The following C1orf94 variants were observed in gnomAD, a reference collection of about 807,000 sequenced individuals.
The protein encoded by C1orf94 is chromosome 1 open reading frame 94, also known as uncharacterized protein C1orf94.
Under a neutral mutation model 53.6 loss-of-function variants are expected in C1orf94, and 45 were observed. The observed-to-expected ratio is 0.84, with a 90% CI of 0.66 to 1.08. The LOEUF is 1.08. Among genes scored for constraint, C1orf94 ranks in the 50% least tolerant of loss-of-function variants. The pLI is 0.00. For synonymous variants in C1orf94, 304 were observed against 296.1 expected, an observed-to-expected ratio of 1.03 and a Z score of -0.27; for missense variants, 762 against 738.9, an observed-to-expected ratio of 1.03 and a Z score of -0.36.
At chr1:34,167,541 G>A (rs980123091) in intron 1 of C1orf94, among the ~76,000 whole-genome samples, 1 of 152,138 alleles carries the variant, frequency 6.6e-6, no homozygotes, top group African/African-American at 2.4e-5. Context: ...CCTGCAAAAG[G>A]CCCAGTTACT....
At chr1:34,191,366 G>A (rs1400142125) in intron 1 of C1orf94, among the ~76,000 whole-genome samples, 1 of 152,162 alleles carries the variant, frequency 6.6e-6, no homozygotes, top group East Asian at 1.9e-4. Flanking sequence ...AAGGACCTAA[G>A]GCTTTGACAT....
intron 4 of C1orf94, among the ~76,000 whole-genome samples, chr1:34,207,370 A>T (rs1286425213): frequency 6.6e-6 from 1 of 152,034 alleles, no homozygotes; most frequent in Non-Finnish European, 1.5e-5. Flanking sequence ...TCAATTTCCC[A>T]TCTGGCTGAA....
chr1:34,197,611 T>A lies in C1orf94; in HGVS notation c.707T>A (p.Val236Asp). The A allele has an allele frequency of 1.2e-6, 2 of 1,614,036 alleles. No individual in the cohort carries two copies. Among genetic ancestry groups the A allele is most frequent in the South Asian group, 2.2e-5 (2 of 91,070 alleles). The change falls in exon 2 of 7, where the codon GTC becomes GAC. Residue 236 changes from valine to aspartate, a missense_variant. By Grantham distance (152) the Val-to-Asp change is radical. Transcript: ENST00000488417. The surrounding 1 kb of genome is among the most constrained non-coding windows in gnomAD (Gnocchi z 4.1). ...ATCCTAGGTGACTCCAACTTGCAAG[T>A]CAGCAAGCTTCTGTCCCAGTTCCCA... ...GRILGDSNLQ[V>D]SKLLSQFPLK... is the part of the protein sequence containing the mutation.
chr1:34,218,823 G>T lies in C1orf94; in HGVS notation c.*62G>T. On this transcript the variant is annotated 3_prime_UTR_variant, in exon 7 of 7. Coordinates refer to ENST00000488417, the MANE Select transcript of C1orf94 (RefSeq NM_001134734.2). Reference sequence around the variant, plus strand: ...ATCAGGACTAGGGGCTCTGATTTTTGGATTCTGCAAAAGCTTGGTATGAAG... The same window carrying T: ...ATCAGGACTAGGGGCTCTGATTTTTTGATTCTGCAAAAGCTTGGTATGAAG... 1.4e-6 allele frequency: 2 copies of T among 1,436,754 alleles called. No homozygotes were observed. Among genetic ancestry groups the T allele is most frequent in the South Asian group, 1.4e-5 (1 of 72,326 alleles). 89.0% of individuals were successfully genotyped at this position (1,436,754 alleles called of 1,614,324 possible). A position where few individuals can be genotyped will look rare whatever the true frequency, so the allele number is the denominator to read the frequency against.
chr1:34,201,069 G>A (rs756781531), intron 3 of C1orf94, 37 bp downstream of exon 3: 2 of 1,552,962 alleles, frequency 1.3e-6, no homozygotes, highest in Admixed American at 2.0e-5. Flanking sequence ...TGGAGGGGAG[G>A]GGGTTGCAGT....
Position 34,197,264 on chromosome 1 carries a change from G to A in C1orf94, c.360G>A (p.Leu120=), listed in dbSNP as rs1479912440. The part of the protein sequence containing the change: ...ELSSGKDEIS[L]LVEQEFLSLT... ...GCAGTGGCAAAGATGAGATCTCCTTGTTGGTGGAACAGGAGTTCCTAAGCC... is the reference window on the plus strand; with the variant it reads ...GCAGTGGCAAAGATGAGATCTCCTTATTGGTGGAACAGGAGTTCCTAAGCC... Residue 120 remains leucine (L), a synonymous_variant, in exon 2 of 7, where the codon TTG becomes TTA. Transcript: ENST00000488417. The surrounding 1 kb of genome is among the most constrained non-coding windows in gnomAD (Gnocchi z 4.1). 6.5e-7 allele frequency: 1 copy of A among 1,548,744 alleles called. No homozygotes were observed.
Position 34,212,330 on chromosome 1 carries a change from A to C in C1orf94, c.1645A>C (p.Lys549Gln). The change falls in exon 6 of 7, where the codon AAG becomes CAG. Residue 549 changes from lysine (K) to glutamine (Q), a missense_variant. Lys to Gln is a moderately conservative substitution (Grantham distance 53). Coordinates refer to ENST00000488417, the MANE Select transcript of C1orf94 (RefSeq NM_001134734.2). Reference sequence around the variant, plus strand: ...TCCCTACCCTCAGAGGACACCTCCAAAGATGTCTGCCAACCCCCGAGACCC... The same window carrying C: ...TCCCTACCCTCAGAGGACACCTCCACAGATGTCTGCCAACCCCCGAGACCC... ...NYPYPQRTPPKMSANPRDPPL... is the reference protein window; with the variant it reads ...NYPYPQRTPPQMSANPRDPPL... 6.2e-7 allele frequency: 1 copy of C among 1,613,698 alleles called. No individual in the cohort carries two copies. The highest frequency in any genetic ancestry group is 1.7e-5 in the Admixed American group (1 of 59,964).
intron 1 of C1orf94, among the ~76,000 whole-genome samples, chr1:34,194,266 A>G (rs1642544537): frequency 6.6e-6 from 1 of 152,230 alleles, no homozygotes; most frequent in Admixed American, 6.5e-5. Context: ...GTTTTGTACA[A>G]CTTATAGAAT....
intron 4 of C1orf94, among the ~76,000 whole-genome samples, chr1:34,204,244 C>A (rs1642758596): frequency 6.6e-6 from 1 of 152,186 alleles, no homozygotes; most frequent in Non-Finnish European, 1.5e-5. Flanking sequence ...CATATAAAGA[C>A]TCTTCAAGCT....
chr1:34,202,156 C>T lies in C1orf94; in HGVS notation c.1343C>T (p.Pro448Leu). Residue 448 changes from proline (P) to leucine (L), a missense_variant, in exon 4 of 7, where the codon CCT becomes CTT. Physicochemically the swap from Pro to Leu is moderately conservative, Grantham distance 98. Coordinates refer to ENST00000488417, the MANE Select transcript of C1orf94 (RefSeq NM_001134734.2). ...GGGAATGTTTTCACTCCACACTTTC[C>T]TACAGCCATGACCTCAGCAACCCTG... is the stretch of plus-strand genomic sequence containing the variant. Reference protein sequence around the residue: ...YTGNVFTPHFPTAMTSATLNQ... With the variant: ...YTGNVFTPHFLTAMTSATLNQ... 1 of 1,614,216 alleles carries T rather than the reference C, an allele frequency of 6.2e-7. No individual in the cohort carries two copies. The highest frequency in any genetic ancestry group is 8.5e-7 in the Non-Finnish European group (1 of 1,180,036).
chr1:34,172,361 G>A (rs200707114), upstream of C1orf94, among the ~76,000 whole-genome samples: 1 of 152,212 alleles, frequency 6.6e-6, no homozygotes, highest in African/African-American at 2.4e-5. Flanking sequence ...AATAGCTAGT[G>A]ATAATCATAA....
At chr1:34,175,190 ATTTTTT>A (rs10608833), upstream of C1orf94, among the ~76,000 whole-genome samples, 1 of 133,212 alleles carries the variant, frequency 7.5e-6, no homozygotes, top group Non-Finnish European at 1.6e-5. Flanking sequence ...GCTGTATTTG[ATTTTTT>A]TTTTTTTTTT....
At chr1:34,218,628 A>C in intron 6 of C1orf94, 58 bp from the exon 7 acceptor site, 1 of 1,374,402 alleles carries the variant, frequency 7.3e-7, no homozygotes. Flanking sequence ...ATATTTTTCT[A>C]ATTCTCTCCG....
intron 5 of C1orf94, among the ~76,000 whole-genome samples, chr1:34,208,887 A>G (rs1294350383): frequency 6.6e-6 from 1 of 152,158 alleles, no homozygotes; most frequent in Non-Finnish European, 1.5e-5. Flanking sequence ...GCCAACGCAA[A>G]CGACATGGCT....
chr1:34,209,285 A>AACACACACACACAC lies in C1orf94; in HGVS notation c.1524+1073_1524+1086dup, dbSNP rs59376155. On this transcript the variant is annotated intron_variant, in intron 5 of 6. Transcript: ENST00000488417. ...ATAAAGCAGCAGAAAGAGAAATGCAAACACACACACACACACACACACACA... is the reference window on the plus strand; with the variant it reads ...ATAAAGCAGCAGAAAGAGAAATGCAAACACACACACACACACACACACACACACACACACACACA... Among the ~76,000 whole-genome samples, 936 of 143,690 alleles carry AACACACACACACAC rather than the reference A, an allele frequency of 6.5e-3. 3 individuals carry two copies. The highest frequency in any genetic ancestry group is 0.019 in the African/African-American group (756 of 38,836). 94.3% of individuals were successfully genotyped at this position (143,690 alleles called of 152,430 possible).
upstream of C1orf94, among the ~76,000 whole-genome samples, chr1:34,174,917 C>CT (rs1243598576): frequency 6.6e-6 from 1 of 152,168 alleles, no homozygotes; most frequent in Non-Finnish European, 1.5e-5. Flanking sequence ...GAAATGTTCT[C>CT]TGTGCTGTCC....
intron 6 of C1orf94, among the ~76,000 whole-genome samples, chr1:34,218,361 A>T (rs954705935): frequency 1.3e-5 from 2 of 152,114 alleles, no homozygotes; most frequent in Admixed American, 1.3e-4. Context: ...TACAGGTAAG[A>T]TGCTTAGGTC....
At chr1:34,209,445 G>C (rs1642855391) in intron 5 of C1orf94, among the ~76,000 whole-genome samples, 1 of 149,666 alleles carries the variant, frequency 6.7e-6, no homozygotes. Context: ...GGCAGGGATG[G>C]GGGTGTGAGG....
chr1:34,172,777 G>A (rs1243989601), upstream of C1orf94, among the ~76,000 whole-genome samples: 1 of 152,252 alleles, frequency 6.6e-6, no homozygotes, highest in Non-Finnish European at 1.5e-5. Context: ...CTGCAGCCCT[G>A]TCCTGTTGCT....
Sources: gnomAD v4.1 joint callset for allele counts (sites outside exome capture counted in the v4.1 genomes callset) on GRCh38, gnomAD v4.1.1 for gene constraint, Gnocchi (gnomAD v3.1) non-coding constraint, MANE v1.5 for transcripts, NCBI Gene and HGNC (gene_info 2026-07-23, HGNC 2026-07-21) for gene names.